The following STIM2 variants were observed in gnomAD, a reference collection of about 807,000 sequenced individuals.
The protein encoded by STIM2 is stromal interaction molecule 2.
Under a neutral mutation model 85.8 loss-of-function variants are expected in STIM2, and 31 were observed. That is an observed-to-expected ratio of 0.36 (90% CI 0.27 to 0.49). STIM2 has a LOEUF of 0.49. STIM2 is among the 20% of genes least tolerant of loss of function. STIM2 has a pLI of 0.98. For synonymous variants in STIM2, 356 were observed against 331.1 expected, an observed-to-expected ratio of 1.08 and a Z score of -0.82; for missense variants, 841 against 927.6, an observed-to-expected ratio of 0.91 and a Z score of 1.21.
At chr4:27,005,671 AG>A (rs1247765069) in intron 7 of STIM2, among the ~76,000 whole-genome samples, 1 of 152,240 alleles carries the variant, frequency 6.6e-6, no homozygotes, top group Non-Finnish European at 1.5e-5. Context: ...GAGTAATAGC[AG>A]AGAAAACAGT....
intron 1 of STIM2, among the ~76,000 whole-genome samples, chr4:26,889,383 C>T (rs1389441588): frequency 6.6e-6 from 1 of 152,176 alleles, no homozygotes; most frequent in Admixed American, 6.5e-5. Context: ...CACTGTTACA[C>T]TTCATGTGCT....
intron 1 of STIM2, among the ~76,000 whole-genome samples, chr4:26,887,702 T>C (rs115263183): frequency 0.025 from 3,742 of 152,280 alleles, 159 homozygotes; most frequent in African/African-American, 0.086. Flanking sequence ...AATGTATATG[T>C]TCATTATTAC....
rs1334330019 is a variant in STIM2, at chr4:26,948,212, AGGTCAAATCCTG to A, written c.283-9399_283-9388del. On this transcript the variant is annotated intron_variant, in intron 2 of 11. Coordinates refer to ENST00000467087, the MANE Select transcript of STIM2 (RefSeq NM_020860.4). Reference sequence around the variant, plus strand: ...TCCCTGTATATCTCTCAACAGCTCTAGGTCAAATCCTGCTAGTTTTCTGTGGCCACAGCAGAG... The same window carrying A: ...TCCCTGTATATCTCTCAACAGCTCTACTAGTTTTCTGTGGCCACAGCAGAG... Among the ~76,000 whole-genome samples the A allele has an allele frequency of 6.6e-5, 10 of 152,230 alleles. No individual in the cohort carries two copies. The East Asian group carries it at 1.9e-3, about 29-fold the overall frequency.
intron 1 of STIM2, among the ~76,000 whole-genome samples, chr4:26,909,966 A>AT (rs1286691329): frequency 6.6e-6 from 1 of 152,140 alleles, no homozygotes; most frequent in Non-Finnish European, 1.5e-5. Context: ...AGTCAGTGAG[A>AT]TTTTTATCAT....
Position 27,023,064 on chromosome 4 carries a change from C to A in STIM2, c.*68C>A. On this transcript the variant is annotated 3_prime_UTR_variant, in exon 12 of 12. Coordinates refer to ENST00000467087, the MANE Select transcript of STIM2 (RefSeq NM_020860.4). Reference sequence around the variant, plus strand: ...ACTATTATCCCCCACCCTCCACTCCCCACCTTTTTTTTGGTTTAATTTTAG... The same window carrying A: ...ACTATTATCCCCCACCCTCCACTCCACACCTTTTTTTTGGTTTAATTTTAG... The A allele has an allele frequency of 6.9e-7, 1 of 1,453,528 alleles. No individual in the cohort carries two copies. Among genetic ancestry groups the A allele is most frequent in the Non-Finnish European group, 9.3e-7 (1 of 1,078,832 alleles). 90.0% of individuals were successfully genotyped at this position (1,453,528 alleles called of 1,614,324 possible).
chr4:26,872,398 T>C (rs1481101323), intron 1 of STIM2, among the ~76,000 whole-genome samples: 1 of 152,220 alleles, frequency 6.6e-6, no homozygotes, highest in Non-Finnish European at 1.5e-5. Flanking sequence ...GCAGTTGAAA[T>C]GTTAGACTTT....
intron 2 of STIM2, among the ~76,000 whole-genome samples, chr4:26,943,227 C>T (rs1725685321): frequency 6.6e-6 from 1 of 151,884 alleles, no homozygotes; most frequent in African/African-American, 2.4e-5. Flanking sequence ...AACATTTTAA[C>T]ACATCAATTA....
rs1219744676 is a variant in STIM2 at position 26,885,861 on chromosome 4, ATATATATATATATG to A, written c.151+24498_151+24511del. Among the ~76,000 whole-genome samples the A allele has an allele frequency of 5.4e-4, 42 of 77,708 alleles. 1 individual carries two copies. Among genetic ancestry groups the A allele is most frequent in the African/African-American group, 2.2e-3 (39 of 17,896 alleles). 51.0% of individuals were successfully genotyped at this position (77,708 alleles called of 152,430 possible). A position where few individuals can be genotyped will look rare whatever the true frequency, so the allele number is the denominator to read the frequency against. On this transcript the variant is annotated intron_variant, in intron 1 of 11. Transcript: ENST00000467087. ...TATATATATATATATATATATATAT[ATATATATATATATG>A]TATATGTCTATTCATGTAAATATGC...
chr4:26,956,542 C>G (rs1669066067), intron 2 of STIM2, among the ~76,000 whole-genome samples: 1 of 151,014 alleles, frequency 6.6e-6, no homozygotes, highest in Non-Finnish European at 1.5e-5. Context: ...CTCCTGGGCT[C>G]AAGCAATTCT....
At chr4:26,986,425 G>A (rs1190153111) in intron 3 of STIM2, among the ~76,000 whole-genome samples, 1 of 152,136 alleles carries the variant, frequency 6.6e-6, no homozygotes, top group Non-Finnish European at 1.5e-5. Flanking sequence ...AAGTTATATG[G>A]TAGTACTTCA....
At chr4:26,997,181 AT>A (rs1450130845) in intron 4 of STIM2, among the ~76,000 whole-genome samples, 1 of 152,160 alleles carries the variant, frequency 6.6e-6, no homozygotes, top group African/African-American at 2.4e-5. Context: ...TTCAATTATT[AT>A]GTAAGTTCCA....
chr4:26,979,239 GT>G (rs1370294904), intron 3 of STIM2, among the ~76,000 whole-genome samples: 1 of 152,116 alleles, frequency 6.6e-6, no homozygotes, highest in Non-Finnish European at 1.5e-5. Context: ...TGAAACATAG[GT>G]ATTTTTAAAA....
chr4:26,916,707 A>AT (rs1397056707), intron 1 of STIM2, among the ~76,000 whole-genome samples: 1 of 151,896 alleles, frequency 6.6e-6, no homozygotes, highest in Non-Finnish European at 1.5e-5. Flanking sequence ...CTACAGACAT[A>AT]TTAAACCACT....
intron 11 of STIM2, chr4:27,019,702 G>A (rs1435409539): frequency 5.7e-6 from 2 of 351,616 alleles, no homozygotes; most frequent in Admixed American, 7.6e-5. Context: ...TTTATGAGAC[G>A]GAGTCTCGCT....
At chr4:26,865,856 C>T (rs2109423603) in intron 1 of STIM2, among the ~76,000 whole-genome samples, 1 of 152,024 alleles carries the variant, frequency 6.6e-6, no homozygotes, top group South Asian at 2.1e-4. Context: ...TAGGTGTGAC[C>T]ATTTTGGACT....
rs1223720051 is a variant in STIM2 at position 26,949,540 on chromosome 4, G to C, written c.283-8072G>C. 2.6e-5 allele frequency among the ~76,000 whole-genome samples: 4 copies of C among 152,270 alleles called. No individual in the cohort carries two copies. The South Asian group carries it at 8.3e-4, about 32-fold the overall frequency. On this transcript the variant is annotated intron_variant, in intron 2 of 11. Transcript: ENST00000467087. ...TATAGTGAAATAAAGGCCCTATAGTGGTTATGAAATTGGTATCCAGCTTCT... is the reference window on the plus strand; with the variant it reads ...TATAGTGAAATAAAGGCCCTATAGTCGTTATGAAATTGGTATCCAGCTTCT...
chr4:26,891,554 TACATACAC>T (rs1423145354), intron 1 of STIM2, among the ~76,000 whole-genome samples: 81 of 112,298 alleles, frequency 7.2e-4, no homozygotes, highest in Middle Eastern at 8.8e-3. Context: ...TGTGTATACA[TACATACAC>T]ACACACACAC....
Position 26,976,099 on chromosome 4 carries a change from T to C in STIM2, c.397+18373T>C, listed in dbSNP as rs958158982. Among the ~76,000 whole-genome samples the C allele has an allele frequency of 5.9e-5, 9 of 152,256 alleles. No individual in the cohort carries two copies. In the South Asian group the frequency reaches 1.9e-3, roughly 32 times the overall value. On this transcript the variant is annotated intron_variant, in intron 3 of 11. Coordinates refer to ENST00000467087, the MANE Select transcript of STIM2 (RefSeq NM_020860.4). The stretch of plus-strand genomic sequence containing the variant: ...CCTTGTCTGCTGGTTGCTAAGACCT[T>C]GGGGAAAGCGCAGTATTTGGGCGGG...
intron 1 of STIM2, among the ~76,000 whole-genome samples, chr4:26,874,995 C>T (rs1320405814): frequency 1.3e-5 from 2 of 152,224 alleles, no homozygotes; most frequent in African/African-American, 4.8e-5. Flanking sequence ...ATTATGATTG[C>T]TACGCGTTCC....
Sources: allele counts gnomAD v4.1 joint callset (sites outside exome capture counted in the v4.1 genomes callset), GRCh38; gene constraint gnomAD v4.1.1; transcripts MANE v1.5; gene names NCBI Gene and HGNC (gene_info 2026-07-23, HGNC 2026-07-21).